The following ADAMTSL1 variants were observed in gnomAD, a reference collection of about 807,000 sequenced individuals.
The protein encoded by ADAMTSL1 is ADAMTS-like protein 1.
ADAMTSL1 carries 126 observed loss-of-function variants against 201.8 expected under a neutral mutation model. That is an observed-to-expected ratio of 0.62 (90% CI 0.54 to 0.72). The LOEUF (loss-of-function observed/expected upper bound fraction) is 0.72, where lower values mean the gene tolerates loss of function less well. ADAMTSL1 is among the 30% of genes least tolerant of loss of function. The probability of loss-of-function intolerance (pLI) is 0.00; values close to 1 mark genes in which losing one functional copy is unlikely to be tolerated. For synonymous variants in ADAMTSL1, 1,121 were observed against 903.4 expected, an observed-to-expected ratio of 1.24 and a Z score of -4.32; for missense variants, 2,679 against 2,277.8, an observed-to-expected ratio of 1.18 and a Z score of -3.59.
intron 2 of ADAMTSL1, among the ~76,000 whole-genome samples, chr9:18,422,004 G>T (rs1268540446): frequency 2.6e-5 from 4 of 152,150 alleles, no homozygotes; most frequent in African/African-American, 9.7e-5. Flanking sequence ...GCTGGAACTG[G>T]TGATAGCTTT....
intron 3 of ADAMTSL1, among the ~76,000 whole-genome samples, chr9:18,544,451 T>G (rs191747631): frequency 6.6e-6 from 1 of 152,286 alleles, no homozygotes; most frequent in East Asian, 1.9e-4. Context: ...GATTTCTGTT[T>G]GATGGCATCT....
chr9:18,135,272 T>C (rs1826112720), intron 1 of ADAMTSL1, among the ~76,000 whole-genome samples: 1 of 152,194 alleles, frequency 6.6e-6, no homozygotes, highest in Admixed American at 6.5e-5. Context: ...ATACGTACTA[T>C]GCATTCATAT....
At chr9:18,450,874 C>T (rs1466643423) in intron 2 of ADAMTSL1, among the ~76,000 whole-genome samples, 2 of 152,184 alleles carry the variant, frequency 1.3e-5, no homozygotes, top group Admixed American at 6.5e-5. Context: ...AAATATCCTG[C>T]TTCTAAAGCC....
At chr9:18,612,730 T>C (rs972224414) in intron 4 of ADAMTSL1, among the ~76,000 whole-genome samples, 1 of 152,162 alleles carries the variant, frequency 6.6e-6, no homozygotes, top group Non-Finnish European at 1.5e-5. Flanking sequence ...TCACGATGGA[T>C]TAAAGACTTA....
chr9:18,705,633 A>G (rs1832186849), intron 13 of ADAMTSL1, among the ~76,000 whole-genome samples: 1 of 152,236 alleles, frequency 6.6e-6, no homozygotes, highest in African/African-American at 2.4e-5. Context: ...GCTTTTCTCT[A>G]TGATATAAAA....
intron 13 of ADAMTSL1, among the ~76,000 whole-genome samples, chr9:18,688,689 A>AAAAAATATATATATAT (rs1554730404): frequency 1.2e-4 from 1 of 8,650 alleles, no homozygotes; most frequent in Non-Finnish European, 2.2e-4. Flanking sequence ...AAAAAAAAAA[A>AAAAAATATATATATAT]ATATATATAT....
At chr9:18,207,345 T>C (rs539967198) in intron 2 of ADAMTSL1, among the ~76,000 whole-genome samples, 6 of 152,270 alleles carry the variant, frequency 3.9e-5, no homozygotes. Flanking sequence ...GTACGTCTTA[T>C]AATATGGTAT....
chr9:18,305,657 A>C (rs2132755411), intron 2 of ADAMTSL1, among the ~76,000 whole-genome samples: 1 of 152,324 alleles, frequency 6.6e-6, no homozygotes, highest in East Asian at 1.9e-4. Context: ...ACCTGTCTAG[A>C]TTCCTCCTCT....
intron 2 of ADAMTSL1, among the ~76,000 whole-genome samples, chr9:18,519,508 T>C (rs532784365): frequency 6.6e-6 from 1 of 152,356 alleles, no homozygotes; most frequent in East Asian, 1.9e-4. Context: ...ATTCCTTCTG[T>C]ATTTAATATT....
intron 20 of ADAMTSL1, among the ~76,000 whole-genome samples, chr9:18,812,706 A>C (rs909347484): frequency 6.6e-6 from 1 of 152,082 alleles, no homozygotes; most frequent in Non-Finnish European, 1.5e-5. Context: ...ATCCATTTTT[A>C]ATTTTTATGT....
chr9:18,528,740 G>T (rs905382379), intron 2 of ADAMTSL1, among the ~76,000 whole-genome samples: 1 of 152,174 alleles, frequency 6.6e-6, no homozygotes, highest in African/African-American at 2.4e-5. Context: ...ACTTGACCCA[G>T]TTTCTGAGTT....
At chr9:18,531,247 A>C (rs1819425553) in intron 2 of ADAMTSL1, among the ~76,000 whole-genome samples, 1 of 152,196 alleles carries the variant, frequency 6.6e-6, no homozygotes, top group African/African-American at 2.4e-5. Flanking sequence ...GCAGTCATGA[A>C]AATCCAGATC....
At chr9:18,727,114 C>T (rs1317303164) in intron 15 of ADAMTSL1, among the ~76,000 whole-genome samples, 1 of 152,180 alleles carries the variant, frequency 6.6e-6, no homozygotes, top group African/African-American at 2.4e-5. Flanking sequence ...TTCCAATTTC[C>T]AATTTTCTTT....
At chr9:18,462,629 G>A (rs1017859382) in intron 2 of ADAMTSL1, among the ~76,000 whole-genome samples, 2 of 152,018 alleles carry the variant, frequency 1.3e-5, no homozygotes, top group Admixed American at 1.3e-4. Context: ...CAATCAAAAG[G>A]ATTTAATCAG....
chr9:18,640,898 A>C (rs187089754), intron 7 of ADAMTSL1, among the ~76,000 whole-genome samples: 3 of 151,984 alleles, frequency 2.0e-5, no homozygotes, highest in African/African-American at 2.4e-5. Flanking sequence ...TGCCTATGTT[A>C]CCTTCAGAGT....
chr9:18,800,003 A>C (rs1822681780), intron 20 of ADAMTSL1, among the ~76,000 whole-genome samples: 1 of 152,178 alleles, frequency 6.6e-6, no homozygotes, highest in South Asian at 2.1e-4. Flanking sequence ...GTTTTGCTTC[A>C]TAAAGAGTTA....
chr9:18,035,807 A>G (rs894865926), intron 1 of ADAMTSL1, among the ~76,000 whole-genome samples: 1 of 152,194 alleles, frequency 6.6e-6, no homozygotes, highest in African/African-American at 2.4e-5. Context: ...ATGATGCTGT[A>G]GTAGTAGGTG....
chr9:18,247,234 A>C (rs1831287554), intron 2 of ADAMTSL1, among the ~76,000 whole-genome samples: 1 of 152,228 alleles, frequency 6.6e-6, no homozygotes, highest in African/African-American at 2.4e-5. Context: ...GTAATAGCAA[A>C]TATAGCATTT....
chr9:18,291,653 C>T (rs760829127), intron 2 of ADAMTSL1, among the ~76,000 whole-genome samples: 24 of 151,626 alleles, frequency 1.6e-4, no homozygotes, highest in Non-Finnish European at 1.8e-4. Context: ...GACCAAAAGA[C>T]AATCTCTCCC....
Sources: gnomAD v4.1 joint callset for allele counts (sites outside exome capture counted in the v4.1 genomes callset) on GRCh38, gnomAD v4.1.1 for gene constraint, MANE v1.5 for transcripts, NCBI Gene and HGNC (gene_info 2026-07-23, HGNC 2026-07-21) for gene names.